Variants in FBXO42 observed in about 807,000 individuals in gnomAD.
The protein encoded by FBXO42 is F-box protein 42.
FBXO42 carries 12 observed loss-of-function variants against 71.7 expected under a neutral mutation model. The ratio of observed to expected loss-of-function variants is 0.17; its 90% CI spans 0.11 to 0.27. The LOEUF (loss-of-function observed/expected upper bound fraction) is 0.27. FBXO42 is among the 10% of genes least tolerant of loss of function. The pLI, the probability that FBXO42 is intolerant of heterozygous loss-of-function variation, is 1.00. For synonymous variants in FBXO42, 325 were observed against 327.5 expected (o/e 0.99, Z 0.08); for missense variants, 707 against 911.9 (o/e 0.78, Z 2.89).
chr1:16,301,149 T>C (rs2082189331), intron 3 of FBXO42, among the ~76,000 whole-genome samples: 1 of 152,068 alleles, frequency 6.6e-6, no homozygotes, highest in African/African-American at 2.4e-5. Context: ...TCCACCTGCC[T>C]TGGCCTCCCA....
Position 16,328,716 on chromosome 1 carries a change from CAGA to C in FBXO42, c.-17-13284_-17-13282del, listed in dbSNP as rs146733670. ...ACAAGTAATAAGCATACCTAGCACC[CAGA>C]AGTTCTTTCTAATACCGTTCTCCAA... On this transcript the variant is annotated intron_variant, in intron 1 of 9. Transcript: ENST00000375592. 6.1e-3 allele frequency among the ~76,000 whole-genome samples: 933 copies of C among 152,278 alleles called. 11 individuals are homozygous for C. Among genetic ancestry groups the C allele is most frequent in the African/African-American group, 0.021 (885 of 41,546 alleles).
chr1:16,294,877 A>G lies in FBXO42; in HGVS notation c.408T>C (p.Phe136=). The G allele has an allele frequency of 6.2e-7, 1 of 1,614,178 alleles. No individual in the cohort carries two copies. Among genetic ancestry groups the G allele is most frequent in the Non-Finnish European group, 8.5e-7 (1 of 1,180,026 alleles). The change falls in exon 4 of 10, where the codon TTT becomes TTC. Residue 136 remains phenylalanine, a synonymous_variant. Transcript: ENST00000375592. ...YYDANQSMYV[F]GGCTQSSCNA... is the part of the protein sequence containing the mutation. ...TGCAGCTGCTCTGGGTACAGCCTCCAAACACATACATAGACTGATTAGCAT... is the reference window on the plus strand; with the variant it reads ...TGCAGCTGCTCTGGGTACAGCCTCCGAACACATACATAGACTGATTAGCAT...
At chr1:16,344,323 A>AT (rs143852944) in intron 1 of FBXO42, among the ~76,000 whole-genome samples, 2,381 of 138,002 alleles carry the variant, frequency 0.017, 22 homozygotes, top group Middle Eastern at 0.036. Flanking sequence ...AATATATATA[A>AT]TTTTTTTTTT....
intron 3 of FBXO42, among the ~76,000 whole-genome samples, chr1:16,295,560 T>A (rs2082121262): frequency 6.6e-6 from 1 of 151,930 alleles, no homozygotes; most frequent in South Asian, 2.1e-4. Context: ...CCAGCTAATT[T>A]TTTTGTATTT....
intron 1 of FBXO42, among the ~76,000 whole-genome samples, chr1:16,324,991 A>G (rs1159969438): frequency 6.6e-6 from 1 of 152,044 alleles, no homozygotes; most frequent in African/African-American, 2.4e-5. Flanking sequence ...TAAACCCAAC[A>G]CTTTGAGAGG....
chr1:16,279,609 T>C (rs1169647905), intron 4 of FBXO42, among the ~76,000 whole-genome samples: 1 of 152,210 alleles, frequency 6.6e-6, no homozygotes, highest in African/African-American at 2.4e-5. Flanking sequence ...CTGACTCTAA[T>C]GATAAACATA....
chr1:16,311,503 A>AAAATAT lies in FBXO42; in HGVS notation c.250+3665_250+3666insATATTT, dbSNP rs1553153698. On this transcript the variant is annotated intron_variant, in intron 2 of 9. Coordinates refer to ENST00000375592, the MANE Select transcript of FBXO42 (RefSeq NM_018994.3). ...ATCTTGTCTCAAAAAAAAAAAAAAA[A>AAAATAT]ATATATATATATATATATATATATA... is the stretch of plus-strand genomic sequence containing the variant. Among the ~76,000 whole-genome samples the AAAATAT allele has an allele frequency of 2.1e-3, 136 of 65,546 alleles. 1 individual carries two copies. The highest frequency in any genetic ancestry group is 3.4e-3 in the Non-Finnish European group (111 of 32,824). The allele number at this position is 65,546 out of a possible 152,430, so 43.0% of individuals were successfully genotyped here. A position where few individuals can be genotyped will look rare whatever the true frequency, so the allele number is the denominator to read the frequency against.
At chr1:16,309,948 C>A (rs12121375) in intron 2 of FBXO42, among the ~76,000 whole-genome samples, 28,896 of 151,966 alleles carry the variant, frequency 0.19, 3,147 homozygotes, top group Non-Finnish European at 0.24. Flanking sequence ...GTAATCCCAG[C>A]ACTTTGGGAG....
chr1:16,334,616 A>C (rs2082534719), intron 1 of FBXO42, among the ~76,000 whole-genome samples: 1 of 152,090 alleles, frequency 6.6e-6, no homozygotes, highest in African/African-American at 2.4e-5. Context: ...TCAGTTTACA[A>C]ACTAAAATTA....
At chr1:16,346,459 C>A (rs375793475) in intron 1 of FBXO42, among the ~76,000 whole-genome samples, 1 of 151,888 alleles carries the variant, frequency 6.6e-6, no homozygotes, top group African/African-American at 2.4e-5. Context: ...GAGTCCGAGG[C>A]GGGCGGATCA....
At chr1:16,346,388 T>C (rs1425952661) in intron 1 of FBXO42, among the ~76,000 whole-genome samples, 1 of 152,208 alleles carries the variant, frequency 6.6e-6, no homozygotes, top group Non-Finnish European at 1.5e-5. Flanking sequence ...CAAATCTATT[T>C]ATTACTAGAA....
intron 3 of FBXO42, among the ~76,000 whole-genome samples, chr1:16,296,674 AC>A (rs1479662683): frequency 6.6e-6 from 1 of 151,146 alleles, no homozygotes; most frequent in African/African-American, 2.4e-5. Context: ...AAAAACAAAA[AC>A]AAAAAACACC....
chr1:16,292,375 T>TATATCTGTGGGCTC (rs1553152117), intron 4 of FBXO42: 1 of 152,100 alleles, frequency 6.6e-6, no homozygotes, highest in Admixed American at 6.6e-5. Flanking sequence ...CGTCTGGGCT[T>TATATCTGTGGGCTC]ATATCTGTGG....
At chr1:16,315,728 A>G (rs1017743368) in intron 1 of FBXO42, among the ~76,000 whole-genome samples, 46 of 152,174 alleles carry the variant, frequency 3.0e-4, no homozygotes, top group African/African-American at 1.1e-3. Flanking sequence ...CAATTCTTCT[A>G]ACTCAAGGAT....
At chr1:16,305,237 A>G (rs1020267691) in intron 3 of FBXO42, among the ~76,000 whole-genome samples, 6 of 151,604 alleles carry the variant, frequency 4.0e-5, no homozygotes, top group Admixed American at 1.3e-4. Flanking sequence ...ATTTTTTAAA[A>G]ATTAGCCAGG....
At chr1:16,342,581 CAAA>C (rs58125011) in intron 1 of FBXO42, among the ~76,000 whole-genome samples, 5 of 125,342 alleles carry the variant, frequency 4.0e-5, no homozygotes, top group Admixed American at 8.3e-5. Flanking sequence ...GATCCTGTCT[CAAA>C]AAAAAAAAAA....
intron 1 of FBXO42, among the ~76,000 whole-genome samples, chr1:16,346,741 A>T (rs2082657608): frequency 6.9e-6 from 1 of 145,438 alleles, no homozygotes; most frequent in Admixed American, 6.9e-5. Flanking sequence ...AAATTACTGT[A>T]CTGAACAGTA....
At chr1:16,261,336 C>A (rs1277520767) in intron 4 of FBXO42, among the ~76,000 whole-genome samples, 1 of 152,124 alleles carries the variant, frequency 6.6e-6, no homozygotes, top group Non-Finnish European at 1.5e-5. Flanking sequence ...TATAAGAGAT[C>A]CTCTAGGATT....
At chr1:16,277,974 C>T (rs766397343) in intron 4 of FBXO42, among the ~76,000 whole-genome samples, 1 of 150,862 alleles carries the variant, frequency 6.6e-6, no homozygotes, top group Non-Finnish European at 1.5e-5. Context: ...CCCAAGAGGT[C>T]GAGGCTGCAG....
Sources: gnomAD v4.1 joint callset for allele counts (sites outside exome capture counted in the v4.1 genomes callset) on GRCh38, gnomAD v4.1.1 for gene constraint, MANE v1.5 for transcripts, NCBI Gene and HGNC (gene_info 2026-07-23, HGNC 2026-07-21) for gene names.